ZNF609: variants seen among roughly 807,000 people sequenced by gnomAD.
The protein encoded by ZNF609 is zinc finger protein 609.
In ZNF609, 11 loss-of-function variants were observed where a neutral mutation model predicts 109.5. The ratio of observed to expected loss-of-function variants is 0.10; its 90% CI spans 0.06 to 0.17. The LOEUF (loss-of-function observed/expected upper bound fraction) is 0.17. Ranked by LOEUF, ZNF609 falls within the 10% of genes least tolerant of loss-of-function variation. The probability of loss-of-function intolerance (pLI) is 1.00; values close to 1 mark genes in which losing one functional copy is unlikely to be tolerated. For missense variants in ZNF609, 1,559 were observed against 1,772.4 expected, an observed-to-expected ratio of 0.88 and a Z score of 2.16; for synonymous variants, 646 against 662.0, an observed-to-expected ratio of 0.98 and a Z score of 0.37.
intron 2 of ZNF609, among the ~76,000 whole-genome samples, chr15:64,619,711 C>T (rs1895850159): frequency 6.6e-6 from 1 of 152,184 alleles, no homozygotes. Context: ...TTGATGCATA[C>T]TTGTTAATGA....
intron 2 of ZNF609, among the ~76,000 whole-genome samples, chr15:64,608,047 C>T (rs898545271): frequency 1.5e-4 from 23 of 151,312 alleles, no homozygotes; most frequent in African/African-American, 5.1e-4. Flanking sequence ...TACAGGCATG[C>T]GCCAACATGC....
chr15:64,478,597 C>CA (rs766862541), intron 1 of ZNF609, among the ~76,000 whole-genome samples: 6 of 152,064 alleles, frequency 3.9e-5, no homozygotes, highest in Non-Finnish European at 8.8e-5. Flanking sequence ...AGGCTGGACT[C>CA]AAACTCCTGA....
In ZNF609 at chr15:64,499,344, C is replaced by A; in HGVS notation, c.-76C>A. 2.6e-6 allele frequency: 4 copies of A among 1,553,988 alleles called. No homozygotes were observed. Among genetic ancestry groups the A allele is most frequent in the East Asian group, 2.2e-5 (1 of 44,450 alleles). On this transcript the variant is annotated 5_prime_UTR_variant, in exon 2 of 10. Transcript: ENST00000326648. ...CTGACCAATGTGGCAGGTCTGAGAA[C>A]ATAGCTGAAGCTGAAAATAGGAAAG...
chr15:64,571,213 T>C (rs1894855263), intron 2 of ZNF609, among the ~76,000 whole-genome samples: 1 of 152,142 alleles, frequency 6.6e-6, no homozygotes, highest in African/African-American at 2.4e-5. Flanking sequence ...GATATGAAAC[T>C]TTTGGGTATA....
At chr15:64,615,610 C>T (rs1379742356) in intron 2 of ZNF609, among the ~76,000 whole-genome samples, 1 of 151,928 alleles carries the variant, frequency 6.6e-6, no homozygotes, top group African/African-American at 2.4e-5. Flanking sequence ...CCTCAGCCTC[C>T]TGAGTAGCTG....
intron 2 of ZNF609, among the ~76,000 whole-genome samples, chr15:64,600,727 GAAA>G (rs887599394): frequency 6.7e-6 from 1 of 149,752 alleles, no homozygotes; most frequent in African/African-American, 2.5e-5. Flanking sequence ...GGGAAAGAAA[GAAA>G]AAAAAGAAAA....
At chr15:64,584,298 A>G in intron 2 of ZNF609, among the ~76,000 whole-genome samples, 1 of 151,980 alleles carries the variant, frequency 6.6e-6, no homozygotes, top group East Asian at 1.9e-4. Flanking sequence ...TCTGTATTTT[A>G]ATTTATTTAT....
chr15:64,567,053 T>A (rs1894787446), intron 2 of ZNF609, among the ~76,000 whole-genome samples: 1 of 152,200 alleles, frequency 6.6e-6, no homozygotes, highest in South Asian at 2.1e-4. Flanking sequence ...TAGGCAGTTA[T>A]AAGGAAATAG....
intron 2 of ZNF609, among the ~76,000 whole-genome samples, chr15:64,543,579 A>C (rs1467028826): frequency 6.6e-6 from 1 of 151,268 alleles, no homozygotes; most frequent in African/African-American, 2.4e-5. Flanking sequence ...AGTAGCTGGG[A>C]TTACAGGCGC....
chr15:64,533,904 G>A (rs1008199790), intron 2 of ZNF609, among the ~76,000 whole-genome samples: 4 of 152,062 alleles, frequency 2.6e-5, no homozygotes, highest in Admixed American at 6.5e-5. Flanking sequence ...TCATGTCTGC[G>A]TATGTGTCGT....
chr15:64,577,847 G>A (rs1245476694), intron 2 of ZNF609, among the ~76,000 whole-genome samples: 3 of 151,024 alleles, frequency 2.0e-5, no homozygotes, highest in Non-Finnish European at 4.4e-5. Context: ...CAACAAGAGC[G>A]AAACTCCGTC....
chr15:64,616,964 A>G (rs1895809459), intron 2 of ZNF609, among the ~76,000 whole-genome samples: 2 of 151,112 alleles, frequency 1.3e-5, no homozygotes, highest in Non-Finnish European at 2.9e-5. Flanking sequence ...GCACACCACC[A>G]TGCCCGGCTA....
intron 3 of ZNF609, among the ~76,000 whole-genome samples, chr15:64,645,003 T>TCC (rs1463381842): frequency 1.1e-4 from 17 of 150,968 alleles, no homozygotes; most frequent in South Asian, 2.1e-4. Flanking sequence ...CTTTCTTTCT[T>TCC]TCTTTCTTCC....
chr15:64,513,964 T>C lies in ZNF609; in HGVS notation c.747+13798T>C, dbSNP rs1893770786. On this transcript the variant is annotated intron_variant, in intron 2 of 9. Coordinates refer to ENST00000326648, the MANE Select transcript of ZNF609 (RefSeq NM_015042.2). ...AAAATTAGCTGGGTGTGTTGATACATGCCTGTGGTCCCAGCTACTTGAGAG... is the reference window on the plus strand; with the variant it reads ...AAAATTAGCTGGGTGTGTTGATACACGCCTGTGGTCCCAGCTACTTGAGAG... Among the ~76,000 whole-genome samples, 4 of 151,902 alleles carry C rather than the reference T, an allele frequency of 2.6e-5. No individual in the cohort carries two copies. The South Asian group carries it at 8.3e-4, about 32-fold the overall frequency.
intron 2 of ZNF609, among the ~76,000 whole-genome samples, chr15:64,544,223 C>G (rs1457861013): frequency 6.6e-6 from 1 of 152,016 alleles, no homozygotes; most frequent in Non-Finnish European, 1.5e-5. Context: ...ATCTGTAATC[C>G]CTGCTACTCA....
At position 64,675,778 on chromosome 15, in the gene ZNF609, A is replaced by G; in HGVS notation, c.2924A>G (p.Asn975Ser). ...ATGTACATGCAGTCCCTGTACTACA[A>G]CCAGTATGCCTATGTACCCCCCTAT... ...PNMYMQSLYY[N>S]QYAYVPPYGY... is the part of the protein sequence containing the mutation. Residue 975 changes from asparagine (N) to serine (S), a missense_variant, in exon 5 of 10, where the codon AAC becomes AGC. Transcript: ENST00000326648. 2.5e-6 allele frequency: 4 copies of G among 1,614,176 alleles called. No homozygotes were observed. Among genetic ancestry groups the G allele is most frequent in the African/African-American group, 1.3e-5 (1 of 75,038 alleles).
chr15:64,646,501 G>T (rs761637736), intron 3 of ZNF609, among the ~76,000 whole-genome samples: 2 of 151,154 alleles, frequency 1.3e-5, no homozygotes, highest in Non-Finnish European at 2.9e-5. Context: ...AAGTTTGGTG[G>T]CACACACCTG....
intron 2 of ZNF609, among the ~76,000 whole-genome samples, chr15:64,594,851 C>T (rs2733383): frequency 2.0e-5 from 3 of 148,590 alleles, no homozygotes; most frequent in African/African-American, 7.4e-5. Flanking sequence ...AAGGTGAAAC[C>T]TCGTCTCTAC....
intron 3 of ZNF609, among the ~76,000 whole-genome samples, chr15:64,647,280 A>C (rs1217609794): frequency 6.6e-6 from 1 of 152,202 alleles, no homozygotes; most frequent in Non-Finnish European, 1.5e-5. Flanking sequence ...TATAGACAGA[A>C]AGAATATTAA....
Sources: gnomAD v4.1 joint callset for allele counts (sites outside exome capture counted in the v4.1 genomes callset) on GRCh38, gnomAD v4.1.1 for gene constraint, MANE v1.5 for transcripts, NCBI Gene and HGNC (gene_info 2026-07-23, HGNC 2026-07-21) for gene names.